SLIT3: variants seen among roughly 807,000 people sequenced by gnomAD.
SLIT3 encodes slit homolog 3 protein.
In SLIT3, 68 loss-of-function variants were observed where a neutral mutation model predicts 184.0. The ratio of observed to expected loss-of-function variants is 0.37; its 90% CI spans 0.30 to 0.45. The LOEUF is 0.45. Among genes scored for constraint, SLIT3 ranks in the 20% least tolerant of loss-of-function variants. The probability of loss-of-function intolerance (pLI) is 1.00; values close to 1 mark genes in which losing one functional copy is unlikely to be tolerated. For synonymous variants in SLIT3, 831 were observed against 828.6 expected (o/e 1.00, Z -0.05); for missense variants, 1,707 against 2,026.0 (o/e 0.84, Z 3.02).
At chr5:168,741,649 A>G (rs1413228716) in intron 20 of SLIT3, among the ~76,000 whole-genome samples, 1 of 152,124 alleles carries the variant, frequency 6.6e-6, no homozygotes, top group Non-Finnish European at 1.5e-5. Flanking sequence ...ATAAGCAACT[A>G]CAACACAAGG....
At chr5:169,135,517 A>G (rs2113327550) in intron 4 of SLIT3, among the ~76,000 whole-genome samples, 1 of 152,198 alleles carries the variant, frequency 6.6e-6, no homozygotes, top group South Asian at 2.1e-4. Flanking sequence ...AATAGCACAG[A>G]AACTAGCAGG....
intron 14 of SLIT3, among the ~76,000 whole-genome samples, chr5:168,764,102 C>G (rs572872975): frequency 3.9e-5 from 6 of 152,296 alleles, no homozygotes; most frequent in African/African-American, 9.6e-5. Flanking sequence ...CTTCCAGGGG[C>G]TGTTGTGCAG....
chr5:168,970,499 TAAA>T (rs35085723), intron 4 of SLIT3, among the ~76,000 whole-genome samples: 4 of 127,434 alleles, frequency 3.1e-5, no homozygotes, highest in African/African-American at 7.9e-5. Context: ...CTGTCTCAAA[TAAA>T]AAAAAAAAAA....
intron 4 of SLIT3, among the ~76,000 whole-genome samples, chr5:169,053,141 T>C (rs780866477): frequency 6.6e-6 from 1 of 152,214 alleles, no homozygotes; most frequent in Non-Finnish European, 1.5e-5. Context: ...GTAGCTACAG[T>C]TGGGAGTTGG....
intron 3 of SLIT3, among the ~76,000 whole-genome samples, chr5:169,205,723 G>A (rs906824551): frequency 1.3e-5 from 2 of 152,234 alleles, no homozygotes; most frequent in African/African-American, 2.4e-5. Context: ...TATAAGTTGC[G>A]TGCTGCTGCC....
At chr5:169,079,136 G>A (rs771777678) in intron 4 of SLIT3, among the ~76,000 whole-genome samples, 4 of 152,140 alleles carry the variant, frequency 2.6e-5, no homozygotes, top group East Asian at 1.9e-4. Flanking sequence ...TCATCCTGCC[G>A]TATCTCAAGG....
intron 4 of SLIT3, among the ~76,000 whole-genome samples, chr5:169,092,661 G>T (rs1324680625): frequency 6.6e-6 from 1 of 152,170 alleles, no homozygotes; most frequent in Non-Finnish European, 1.5e-5. Flanking sequence ...TGCAGAGATG[G>T]CAGGCAGCAC....
At chr5:169,187,479 G>T (rs1763392285) in intron 4 of SLIT3, among the ~76,000 whole-genome samples, 1 of 152,018 alleles carries the variant, frequency 6.6e-6, no homozygotes, top group African/African-American at 2.4e-5. Context: ...GGGATAGGTG[G>T]GCCAAAAGGA....
intron 16 of SLIT3, among the ~76,000 whole-genome samples, chr5:168,757,715 G>A (rs1279825571): frequency 6.6e-6 from 1 of 152,146 alleles, no homozygotes; most frequent in African/African-American, 2.4e-5. Context: ...GATTACAGGC[G>A]TGAGCCACCG....
chr5:168,722,299 T>A lies in SLIT3; in HGVS notation c.2440A>T (p.Ile814Phe). Residue 814 changes from isoleucine to phenylalanine, a missense_variant, in exon 23 of 36, where the codon ATC becomes TTC. Around this residue, in one of 3 missense-constraint regions of SLIT3, gnomAD observed 1,307 missense variants for 1,511.6 expected, o/e 0.86. Coordinates refer to ENST00000519560, the MANE Select transcript of SLIT3 (RefSeq NM_003062.4). ...AGCCCGTTGAAGGCGTGGACGGGGA[T>A]GCACCTCAGCCGGTTGTAGCTCAGG... The part of the protein sequence containing the change: ...LILSYNRLRC[I>F]PVHAFNGLRS... The A allele has an allele frequency of 6.2e-7, 1 of 1,614,180 alleles. No homozygotes were observed. Among genetic ancestry groups the A allele is most frequent in the Non-Finnish European group, 8.5e-7 (1 of 1,180,030 alleles).
At chr5:169,002,322 CAAAAAAAAAAAA>C (rs397999882) in intron 4 of SLIT3, among the ~76,000 whole-genome samples, 201 of 24,198 alleles carry the variant, frequency 8.3e-3, no homozygotes, top group East Asian at 0.024. Flanking sequence ...GACTCTGTCT[CAAAAAAAAAAAA>C]AAAAAAAAAA....
At chr5:169,049,914 A>G (rs181784125) in intron 4 of SLIT3, among the ~76,000 whole-genome samples, 9 of 152,090 alleles carry the variant, frequency 5.9e-5, no homozygotes, top group Non-Finnish European at 1.3e-4. Context: ...TAAGCATTTG[A>G]TCTTTACTAG....
chr5:169,017,444 C>T (rs898596617), intron 4 of SLIT3, among the ~76,000 whole-genome samples: 1 of 152,120 alleles, frequency 6.6e-6, no homozygotes. Flanking sequence ...TAGAAAGATA[C>T]AAGACTTGGA....
intron 13 of SLIT3, among the ~76,000 whole-genome samples, chr5:168,773,914 T>C (rs563530147): frequency 6.6e-6 from 1 of 152,304 alleles, no homozygotes; most frequent in East Asian, 1.9e-4. Context: ...CCTTACTAGC[T>C]GTGTGACCCT....
At chr5:169,114,857 T>C (rs886735218) in intron 4 of SLIT3, among the ~76,000 whole-genome samples, 1 of 152,228 alleles carries the variant, frequency 6.6e-6, no homozygotes, top group African/African-American at 2.4e-5. Context: ...CCGTGGGCTG[T>C]TGGCACCCTT....
intron 3 of SLIT3, among the ~76,000 whole-genome samples, chr5:169,194,335 T>C (rs1442632324): frequency 6.8e-6 from 1 of 146,940 alleles, no homozygotes; most frequent in Non-Finnish European, 1.5e-5. Flanking sequence ...TGGGAGCAGA[T>C]AGTAGTTGCT....
At chr5:169,118,693 A>C (rs189857843) in intron 4 of SLIT3, among the ~76,000 whole-genome samples, 319 of 152,300 alleles carry the variant, frequency 2.1e-3, no homozygotes, top group Non-Finnish European at 3.4e-3. Flanking sequence ...CAGTTGTTAC[A>C]AGGAGTGGTA....
intron 1 of SLIT3, among the ~76,000 whole-genome samples, chr5:169,252,491 A>G (rs1308614460): frequency 6.6e-6 from 1 of 152,244 alleles, no homozygotes; most frequent in East Asian, 1.9e-4. Context: ...GAACAACTGC[A>G]TGAATATTCC....
intron 16 of SLIT3, among the ~76,000 whole-genome samples, chr5:168,759,935 G>C (rs901622241): frequency 1.3e-5 from 2 of 152,192 alleles, no homozygotes; most frequent in Admixed American, 6.5e-5. Context: ...AGATGGTAAA[G>C]AGCCTCCTCT....
Sources: gnomAD v4.1 joint callset for allele counts (sites outside exome capture counted in the v4.1 genomes callset) on GRCh38, gnomAD v4.1.1 for gene constraint, gnomAD v4.1.1 regional missense constraint, MANE v1.5 for transcripts, NCBI Gene and HGNC (gene_info 2026-07-23, HGNC 2026-07-21) for gene names.